Variants in NCAM2 observed in about 807,000 individuals in gnomAD.
NCAM2 encodes N-CAM-2.
Under a neutral mutation model 98.1 loss-of-function variants are expected in NCAM2, and 30 were observed. The ratio of observed to expected loss-of-function variants is 0.31; its 90% CI spans 0.23 to 0.41. The LOEUF (loss-of-function observed/expected upper bound fraction) is 0.41, where lower values mean the gene tolerates loss of function less well. Ranked by LOEUF, NCAM2 falls within the 10% of genes least tolerant of loss-of-function variation. The pLI, the probability that NCAM2 is intolerant of heterozygous loss-of-function variation, is 1.00. For missense variants in NCAM2, 867 were observed against 1,005.8 expected, an observed-to-expected ratio of 0.86 and a Z score of 1.87; for synonymous variants, 368 against 342.4, an observed-to-expected ratio of 1.07 and a Z score of -0.83.
intron 1 of NCAM2, among the ~76,000 whole-genome samples, chr21:21,270,517 A>G (rs188991652): frequency 6.6e-6 from 1 of 152,330 alleles, no homozygotes; most frequent in Admixed American, 6.5e-5. Context: ...TAATGATTTT[A>G]CTTTTACTAA....
chr21:21,419,366 T>A (rs2077064388), intron 11 of NCAM2, among the ~76,000 whole-genome samples: 1 of 151,592 alleles, frequency 6.6e-6, no homozygotes, highest in Admixed American at 6.6e-5. Context: ...TTCGATTTTT[T>A]TTTATTATTA....
chr21:21,304,499 G>A (rs772072881), intron 5 of NCAM2, among the ~76,000 whole-genome samples: 3 of 152,000 alleles, frequency 2.0e-5, no homozygotes, highest in Non-Finnish European at 2.9e-5. Context: ...AACAAAAGCC[G>A]TTATGATAAG....
Position 21,426,574 on chromosome 21 carries a change from A to G in NCAM2, c.1481-5534A>G, listed in dbSNP as rs149219942. Among the ~76,000 whole-genome samples, 144 of 152,300 alleles carry G rather than the reference A, an allele frequency of 9.5e-4. 3 individuals are homozygous for G. In the East Asian group the frequency reaches 0.026, roughly 27 times the overall value. On this transcript the variant is annotated intron_variant, in intron 11 of 17. Coordinates refer to ENST00000400546, the MANE Select transcript of NCAM2 (RefSeq NM_004540.5). ...GCGTGGTCCACATGTGAAGTCTGCA[A>G]TGACTAACTAGAGGTCAGGAAGCCC...
chr21:21,202,408 CTTT>C (rs11385750), intron 1 of NCAM2, among the ~76,000 whole-genome samples: 16 of 80,220 alleles, frequency 2.0e-4, no homozygotes, highest in African/African-American at 4.6e-4. Context: ...AGCAAATATC[CTTT>C]TTTTTTTTTT....
chr21:21,265,658 A>G lies in NCAM2; in HGVS notation c.56-14920A>G, dbSNP rs543294732. 5.9e-5 allele frequency among the ~76,000 whole-genome samples: 9 copies of G among 151,736 alleles called. No homozygotes were observed. The South Asian group carries it at 1.9e-3, about 32-fold the overall frequency. Reference sequence around the variant, plus strand: ...ATTATCCTATGTGAAATAACTCAGAAACAGAAAAACAAATGCCACATATTC... The same window carrying G: ...ATTATCCTATGTGAAATAACTCAGAGACAGAAAAACAAATGCCACATATTC... On this transcript the variant is annotated intron_variant, in intron 1 of 17. Transcript: ENST00000400546.
At chr21:21,240,922 TA>T (rs2071040689) in intron 1 of NCAM2, among the ~76,000 whole-genome samples, 1 of 152,178 alleles carries the variant, frequency 6.6e-6, no homozygotes, top group Non-Finnish European at 1.5e-5. Flanking sequence ...GACAAATAAA[TA>T]TTTCAATTAT....
chr21:21,350,524 T>A (rs907814108), intron 8 of NCAM2, among the ~76,000 whole-genome samples: 1 of 152,324 alleles, frequency 6.6e-6, no homozygotes, highest in Non-Finnish European at 1.5e-5. Context: ...TGGTTTCTGA[T>A]GCTAATAACC....
intron 1 of NCAM2, among the ~76,000 whole-genome samples, chr21:21,118,859 C>T (rs2066616018): frequency 6.6e-6 from 1 of 152,058 alleles, no homozygotes; most frequent in African/African-American, 2.4e-5. Flanking sequence ...TCCCTCTCCC[C>T]AGTGTTTTCA....
intron 1 of NCAM2, among the ~76,000 whole-genome samples, chr21:21,260,535 A>G (rs1264499174): frequency 6.8e-6 from 1 of 147,182 alleles, no homozygotes; most frequent in Non-Finnish European, 1.5e-5. Flanking sequence ...GCCAGAAGAG[A>G]CTGGGGGCTT....
intron 1 of NCAM2, among the ~76,000 whole-genome samples, chr21:21,194,590 G>T (rs1307816445): frequency 6.6e-6 from 1 of 152,122 alleles, no homozygotes; most frequent in East Asian, 1.9e-4. Context: ...CTTACTGGTA[G>T]CTGTGGTATT....
At chr21:21,255,105 G>A (rs1291452472) in intron 1 of NCAM2, among the ~76,000 whole-genome samples, 1 of 152,132 alleles carries the variant, frequency 6.6e-6, no homozygotes, top group Non-Finnish European at 1.5e-5. Context: ...ATTTGGGAAG[G>A]GCACAGGTTA....
chr21:21,243,060 A>G (rs2071130560), intron 1 of NCAM2, among the ~76,000 whole-genome samples: 1 of 152,164 alleles, frequency 6.6e-6, no homozygotes, highest in Non-Finnish European at 1.5e-5. Flanking sequence ...TTAATAATTC[A>G]TACATAGAAT....
intron 15 of NCAM2, 131 bp from the exon 16 acceptor site, chr21:21,508,720 C>A: frequency 2.9e-6 from 2 of 701,498 alleles, no homozygotes; most frequent in East Asian, 3.0e-5. Flanking sequence ...TGACTTTATT[C>A]TGTCTCTTAA....
intron 1 of NCAM2, among the ~76,000 whole-genome samples, chr21:21,148,401 T>G (rs1021612468): frequency 2.0e-5 from 3 of 152,174 alleles, no homozygotes; most frequent in African/African-American, 7.2e-5. Context: ...TGGAAGATAC[T>G]TCACAGGTAG....
At chr21:21,478,423 A>G (rs1012289829) in intron 15 of NCAM2, among the ~76,000 whole-genome samples, 2 of 151,984 alleles carry the variant, frequency 1.3e-5, no homozygotes, top group African/African-American at 4.8e-5. Context: ...GAAACTGGAA[A>G]AGAAAACTAG....
intron 1 of NCAM2, among the ~76,000 whole-genome samples, chr21:21,122,645 T>C (rs982313978): frequency 6.6e-5 from 10 of 152,230 alleles, no homozygotes; most frequent in Admixed American, 3.9e-4. Context: ...GGCTGGGCCA[T>C]GGATGGACCT....
intron 1 of NCAM2, among the ~76,000 whole-genome samples, chr21:21,272,855 A>G (rs1227301655): frequency 6.6e-6 from 1 of 151,200 alleles, no homozygotes; most frequent in Non-Finnish European, 1.5e-5. Flanking sequence ...TGAGACATGT[A>G]AATTTTTCAA....
rs556630951 is a variant in NCAM2, at chr21:21,540,708, C to A, written c.*2751C>A. ...CAAAAGAATTGACTGAATATAAGTA[C>A]TGTTAAAATAATTTGAACCCTATGA... On this transcript the variant is annotated 3_prime_UTR_variant, in exon 18 of 18. Coordinates refer to ENST00000400546, the MANE Select transcript of NCAM2 (RefSeq NM_004540.5). 2.5e-3 allele frequency: 375 copies of A among 151,994 alleles called. No individual in the cohort carries two copies. The highest frequency in any genetic ancestry group is 8.7e-3 in the African/African-American group (362 of 41,490). The allele number at this position is 151,994 out of a possible 1,614,324, so 9.4% of individuals were successfully genotyped here.
intron 15 of NCAM2, among the ~76,000 whole-genome samples, chr21:21,485,436 T>C (rs1207333939): frequency 6.6e-6 from 1 of 152,094 alleles, no homozygotes; most frequent in Non-Finnish European, 1.5e-5. Flanking sequence ...GAAGAAAATA[T>C]TATAGACACT....
Sources: allele counts gnomAD v4.1 joint callset (sites outside exome capture counted in the v4.1 genomes callset), GRCh38; gene constraint gnomAD v4.1.1; transcripts MANE v1.5; gene names NCBI Gene and HGNC (gene_info 2026-07-23, HGNC 2026-07-21).